WDR44: variants seen among roughly 807,000 people sequenced by gnomAD.
WDR44 encodes WD repeat-containing protein 44.
A neutral mutation model predicts 65.7 loss-of-function variants in WDR44; 9 were observed. That is an observed-to-expected ratio of 0.14 (90% CI 0.08 to 0.24). The LOEUF is 0.24. WDR44 is among the 10% of genes least tolerant of loss of function. The pLI is 1.00. For missense variants in WDR44, 425 were observed against 670.9 expected, an observed-to-expected ratio of 0.63 and a Z score of 4.05; for synonymous variants, 220 against 235.2, an observed-to-expected ratio of 0.94 and a Z score of 0.59.
At position 118,423,739 on chromosome X, in the gene WDR44, C is replaced by G. The variant is rs767882574; in HGVS notation, c.1738-9042C>G. Reference sequence around the variant, plus strand: ...CATTTTGAAAGTGAAACTTTGTACCCTTTGACTAATACCACCTGTTTCGCC... The same window carrying G: ...CATTTTGAAAGTGAAACTTTGTACCGTTTGACTAATACCACCTGTTTCGCC... On this transcript the variant is annotated intron_variant, in intron 12 of 19. Transcript: ENST00000254029. Among the ~76,000 whole-genome samples, 3 of 111,905 alleles carry G rather than the reference C, an allele frequency of 2.7e-5. No homozygotes were observed. In the East Asian group the frequency reaches 8.4e-4, roughly 32 times the overall value.
chrX:118,435,433 C>T (rs2057247119), intron 13 of WDR44, among the ~76,000 whole-genome samples: 1 of 106,878 alleles, frequency 9.4e-6, no homozygotes, highest in Non-Finnish European at 1.9e-5. Flanking sequence ...CGTGGGCCAC[C>T]ACGCCCAGCT....
At chrX:118,447,938 C>T (rs1328952684) in intron 19 of WDR44, among the ~76,000 whole-genome samples, 1 of 96,057 alleles carries the variant, frequency 1.0e-5, no homozygotes, top group Non-Finnish European at 2.1e-5. Context: ...AAGTGCCTAG[C>T]AAAATGCCTG....
intron 18 of WDR44, among the ~76,000 whole-genome samples, chrX:118,444,040 C>T (rs1209461919): frequency 1.0e-5 from 1 of 99,479 alleles, no homozygotes; most frequent in Non-Finnish European, 2.0e-5. Context: ...AGTGAGATTC[C>T]GTCTAAAAAA....
intron 13 of WDR44, among the ~76,000 whole-genome samples, chrX:118,433,802 G>GTCA (rs200705165): frequency 1.1e-4 from 12 of 111,368 alleles, no homozygotes; most frequent in East Asian, 2.8e-4. Flanking sequence ...AGCAATGATC[G>GTCA]TCATCATCAT....
At chrX:118,374,287 T>A (rs1359368344) in intron 1 of WDR44, among the ~76,000 whole-genome samples, 2 of 112,115 alleles carry the variant, frequency 1.8e-5, no homozygotes, top group Non-Finnish European at 3.8e-5. Context: ...TTGGTTTTTT[T>A]TCATCTTGGC....
At chrX:118,376,875 G>A (rs983234258) in intron 1 of WDR44, among the ~76,000 whole-genome samples, 1 of 110,293 alleles carries the variant, frequency 9.1e-6, no homozygotes, top group African/African-American at 3.3e-5. Flanking sequence ...ATGGTGGCAC[G>A]TGCCTGTAGT....
chrX:118,438,230 A>G (rs2057270959), intron 14 of WDR44, among the ~76,000 whole-genome samples: 1 of 110,648 alleles, frequency 9.0e-6, no homozygotes, highest in African/African-American at 3.3e-5. Flanking sequence ...TGATCAAGTC[A>G]TTAGAGTCCT....
intron 19 of WDR44, among the ~76,000 whole-genome samples, chrX:118,446,088 T>A (rs1207769484): frequency 2.8e-5 from 3 of 107,224 alleles, no homozygotes; most frequent in Non-Finnish European, 5.8e-5. Flanking sequence ...GGTCAGGAGT[T>A]CAAGACCAGC....
chrX:118,398,975 T>C (rs2056889725), intron 8 of WDR44, among the ~76,000 whole-genome samples: 1 of 112,012 alleles, frequency 8.9e-6, no homozygotes, highest in Non-Finnish European at 1.9e-5. Context: ...TGCACCATAC[T>C]TGTGTTATTT....
intron 12 of WDR44, among the ~76,000 whole-genome samples, chrX:118,421,423 T>C (rs903382816): frequency 8.9e-6 from 1 of 111,877 alleles, no homozygotes; most frequent in Non-Finnish European, 1.9e-5. Flanking sequence ...GTTTCCCTTC[T>C]GTCATTTTAT....
chrX:118,346,635 CTG>C, intron 1 of WDR44, 55 bp downstream of exon 1: 1 of 982,170 alleles, frequency 1.0e-6, no homozygotes, highest in Non-Finnish European at 1.4e-6. Flanking sequence ...CCCGCATCTC[CTG>C]TGTCTTCCCC....
Position 118,393,222 on chromosome X carries a change from A to G in WDR44, c.777A>G (p.Lys259=). 8.3e-7 allele frequency: 1 copy of G among 1,199,839 alleles called. No homozygotes were observed. Among genetic ancestry groups the G allele is most frequent in the Non-Finnish European group, 1.1e-6 (1 of 892,471 alleles). ...CTCGACCTGCTCCACCACCAAGAAA[A>G]AGGAAAAGCGAATTGGAATTTGAGA... ...PPSRPAPPPR[K]RKSELEFETL... The change falls in exon 4 of 20, where the codon AAA becomes AAG. Residue 259 remains lysine, a synonymous_variant. Transcript: ENST00000254029.
At chrX:118,408,635 G>A (rs768824763) in intron 10 of WDR44, among the ~76,000 whole-genome samples, 1 of 111,994 alleles carries the variant, frequency 8.9e-6, no homozygotes, top group South Asian at 3.7e-4. Context: ...CTGAGCTCAA[G>A]TGATCCACCC....
At chrX:118,378,385 T>C in intron 1 of WDR44, 34 bp from the exon 2 acceptor site, 2 of 1,178,699 alleles carry the variant, frequency 1.7e-6, no homozygotes, top group Non-Finnish European at 2.3e-6. Context: ...TCATCTCCTC[T>C]ATTCAACACC....
At chrX:118,384,471 G>A (rs1418657764) in intron 2 of WDR44, among the ~76,000 whole-genome samples, 4 of 111,789 alleles carry the variant, frequency 3.6e-5, no homozygotes, top group Non-Finnish European at 7.5e-5. Context: ...CAGGTTTGTC[G>A]AAGATCAGAT....
chrX:118,445,890 C>T (rs747721157), intron 19 of WDR44, among the ~76,000 whole-genome samples: 6 of 108,577 alleles, frequency 5.5e-5, no homozygotes, highest in Admixed American at 9.9e-5. Context: ...ATTAGCTGGG[C>T]GTGGTAGTGC....
intron 1 of WDR44, among the ~76,000 whole-genome samples, chrX:118,348,765 T>G (rs922071551): frequency 2.7e-5 from 3 of 112,078 alleles, no homozygotes; most frequent in Admixed American, 9.5e-5. Flanking sequence ...GGAAACAGAT[T>G]GCCTTACTAG....
chrX:118,387,202 AAGAAG>A, intron 2 of WDR44, 133 bp from the exon 3 acceptor site: 1 of 319,775 alleles, frequency 3.1e-6, no homozygotes, highest in Non-Finnish European at 5.3e-6. Context: ...AAAAAAAAAA[AAGAAG>A]AAGAAGAAAT....
chrX:118,352,753 G>A (rs769739142), intron 1 of WDR44, among the ~76,000 whole-genome samples: 66 of 109,664 alleles, frequency 6.0e-4, no homozygotes, highest in Admixed American at 5.5e-3. Context: ...TACTTCCTGG[G>A]GTAGTAGTGG....
Sources: gnomAD v4.1 joint callset for allele counts (sites outside exome capture counted in the v4.1 genomes callset) on GRCh38, gnomAD v4.1.1 for gene constraint, MANE v1.5 for transcripts, NCBI Gene and HGNC (gene_info 2026-07-23, HGNC 2026-07-21) for gene names.